Variants in ADAR observed in about 807,000 individuals in gnomAD.
ADAR encodes the protein double-stranded RNA-specific adenosine deaminase.
Under a neutral mutation model 113.2 loss-of-function variants are expected in ADAR, and 41 were observed. That is an observed-to-expected ratio of 0.36 (90% CI 0.28 to 0.47). The LOEUF is 0.47. Among genes scored for constraint, ADAR ranks in the 20% least tolerant of loss-of-function variants. ADAR has a pLI of 1.00. For synonymous variants in ADAR, 605 were observed against 572.6 expected (o/e 1.06, Z -0.81); for missense variants, 1,242 against 1,540.9 (o/e 0.81, Z 3.25).
rs748161184 is a variant in ADAR, at chr1:154,590,279, G to A, written c.2401C>T (p.Arg801Cys). 3.1e-6 allele frequency: 5 copies of A among 1,614,002 alleles called. No homozygotes were observed. Among genetic ancestry groups the A allele is most frequent in the South Asian group, 1.1e-5 (1 of 91,078 alleles). ...GGGGTTACCTCTGTGAAACCCATGC[G>A]TTCTGCCTTCTCGTTCTCCCCAATC... ...VLIGENEKAE[R>C]MGFTEVTPVT... The change falls in exon 7 of 15, where the codon CGC becomes TGC. Residue 801 changes from arginine (R) to cysteine (C), a missense_variant. Coordinates refer to ENST00000368474, the MANE Select transcript of ADAR (RefSeq NM_001111.5).
chr1:154,626,640 C>A (rs951246405), intron 1 of ADAR, among the ~76,000 whole-genome samples: 2 of 152,106 alleles, frequency 1.3e-5, no homozygotes, highest in Non-Finnish European at 2.9e-5. Context: ...GGGTACTGGG[C>A]CCTTACTAAT....
At chr1:154,586,670 T>A (rs539573650) in intron 11 of ADAR, among the ~76,000 whole-genome samples, 9 of 152,280 alleles carry the variant, frequency 5.9e-5, no homozygotes, top group African/African-American at 1.9e-4. Context: ...CTCTGAAGGC[T>A]CTGAGGCAGC....
chr1:154,588,557 T>C lies in ADAR; in HGVS notation c.2879A>G (p.Tyr960Cys). The part of the protein sequence containing the change: ...QIKKTVSFHL[Y>C]ISTAPCGDGA... ...CAACAGGAACTGTACAGACCTGATA[T>C]ACAGATGGAATGACACAGTCTTTTT... The change falls in exon 10 of 15, where the codon TAT becomes TGT. Residue 960 changes from tyrosine (Y) to cysteine (C), a missense_variant. By Grantham distance (194) the Tyr-to-Cys change is radical. Around this residue, in one of 2 missense-constraint regions of ADAR, gnomAD observed 780 missense variants for 1,057.9 expected, o/e 0.74. Coordinates refer to ENST00000368474, the MANE Select transcript of ADAR (RefSeq NM_001111.5). 1 of 1,614,010 alleles carries C rather than the reference T, an allele frequency of 6.2e-7. No homozygotes were observed. Among genetic ancestry groups the C allele is most frequent in the Non-Finnish European group, 8.5e-7 (1 of 1,180,030 alleles).
Position 154,601,673 on chromosome 1 carries a change from G to A in ADAR, c.969C>T (p.Gly323=). Residue 323 remains glycine (G), a synonymous_variant, in exon 2 of 15, where the codon GGC becomes GGT. Coordinates refer to ENST00000368474, the MANE Select transcript of ADAR (RefSeq NM_001111.5). This position sits in a 1 kb window ranked among gnomAD's most constrained non-coding sequence, Gnocchi z 4.7. ...SSALNLAKNI[G]LTKARDINAV... ...CATTTATATCTCGGGCCTTGGTAAG[G>A]CCAATATTTTTAGCCAAATTCAGGG... 6.2e-7 allele frequency: 1 copy of A among 1,614,120 alleles called. No homozygotes were observed. The highest frequency in any genetic ancestry group is 8.5e-7 in the Non-Finnish European group (1 of 1,180,038).
At chr1:154,622,453 C>T (rs910871343) in intron 1 of ADAR, among the ~76,000 whole-genome samples, 1 of 152,188 alleles carries the variant, frequency 6.6e-6, no homozygotes, top group Admixed American at 6.5e-5. Flanking sequence ...GAGTGAGTTG[C>T]TATTTATAAA....
At chr1:154,595,813 C>T (rs577587754) in intron 6 of ADAR, among the ~76,000 whole-genome samples, 65 of 152,356 alleles carry the variant, frequency 4.3e-4, no homozygotes, top group Admixed American at 3.2e-3. Context: ...TCATTCTCCA[C>T]TCACTGGCTG....
chr1:154,584,034 A>G lies in ADAR; in HGVS notation c.*772T>C, dbSNP rs908021087. The G allele has an allele frequency of 2.0e-5, 3 of 152,180 alleles. No homozygotes were observed. Among genetic ancestry groups the G allele is most frequent in the South Asian group, 2.1e-4 (1 of 4,824 alleles). 9.4% of individuals were successfully genotyped at this position (152,180 alleles called of 1,614,324 possible). A position where few individuals can be genotyped will look rare whatever the true frequency, so the allele number is the denominator to read the frequency against. ...TGGTCTGTGTCATCCTGCCGGGTGA[A>G]ACCTCTGCTATTGCTTGAGCAGCTC... On this transcript the variant is annotated 3_prime_UTR_variant, in exon 15 of 15. Coordinates refer to ENST00000368474, the MANE Select transcript of ADAR (RefSeq NM_001111.5).
intron 6 of ADAR, among the ~76,000 whole-genome samples, chr1:154,595,358 A>G (rs890658568): frequency 7.2e-5 from 11 of 152,220 alleles, no homozygotes; most frequent in African/African-American, 2.7e-4. Flanking sequence ...GACGGCCCCC[A>G]TGCATGTTAT....
At chr1:154,612,928 C>G (rs1316681609), upstream of ADAR, among the ~76,000 whole-genome samples, 1 of 152,084 alleles carries the variant, frequency 6.6e-6, no homozygotes, top group African/African-American at 2.4e-5. Flanking sequence ...TCTCCTGTCT[C>G]AGCCTCCCGA....
At chr1:154,598,378 C>T (rs1697642405) in intron 3 of ADAR, 24 bp downstream of exon 3, 2 of 1,612,272 alleles carry the variant, frequency 1.2e-6, no homozygotes, top group South Asian at 1.1e-5. Flanking sequence ...AACTGATCCT[C>T]CCAGATGGCA....
chr1:154,596,705 C>T, intron 6 of ADAR, 100 bp downstream of exon 6: 1 of 1,400,562 alleles, frequency 7.1e-7, no homozygotes, highest in Non-Finnish European at 1.0e-6. Flanking sequence ...CTCAACTCGC[C>T]CCTTCTGTCC....
chr1:154,589,389 G>C lies in ADAR; in HGVS notation c.2742C>G (p.Ile914Met). Residue 914 changes from isoleucine to methionine, a missense_variant, in exon 9 of 15, where the codon ATC becomes ATG. Coordinates refer to ENST00000368474, the MANE Select transcript of ADAR (RefSeq NM_001111.5). ...CTCACCTGATGAAGCCTCTCCGGGA[G>C]ATTATTTCTGCATGGCAGTCATTGA... is the stretch of plus-strand genomic sequence containing the variant. ...ETVNDCHAEIISRRGFIRFLY... is the reference protein window; with the variant it reads ...ETVNDCHAEIMSRRGFIRFLY... The C allele has an allele frequency of 1.9e-6, 3 of 1,614,200 alleles. No homozygotes were observed. The highest frequency in any genetic ancestry group is 2.5e-6 in the Non-Finnish European group (3 of 1,180,004).
rs886518195 is a variant in ADAR at position 154,600,768 on chromosome 1, G to A, written c.1601+273C>T. 1.5e-5 allele frequency: 8 copies of A among 518,778 alleles called. No homozygotes were observed. In the East Asian group the frequency reaches 1.8e-4, roughly 12 times the overall value. The allele number at this position is 518,778 out of a possible 1,614,324, so 32.1% of individuals were successfully genotyped here. On this transcript the variant is annotated intron_variant, in intron 2 of 14. Transcript: ENST00000368474. ...ATTACAGGCATGAGCCACCGCGTAC[G>A]GCCAAAACCAATCATTTCTAAAGAA... is the stretch of plus-strand genomic sequence containing the variant.
At chr1:154,597,445 T>C (rs923156538) in intron 4 of ADAR, among the ~76,000 whole-genome samples, 178 bp from the exon 5 acceptor site, 10 of 152,238 alleles carry the variant, frequency 6.6e-5, no homozygotes, top group African/African-American at 2.4e-4. Context: ...TTAGCCTGGC[T>C]GACCCCTTTC....
At chr1:154,598,654 C>A in intron 2 of ADAR, 69 bp from the exon 3 acceptor site, 6 of 1,547,426 alleles carry the variant, frequency 3.9e-6, no homozygotes. Context: ...CCAAAGAGAC[C>A]TTCAACCTGG....
intron 1 of ADAR, among the ~76,000 whole-genome samples, chr1:154,605,819 G>A (rs1698155959): frequency 6.6e-6 from 1 of 151,994 alleles, no homozygotes; most frequent in Non-Finnish European, 1.5e-5. Context: ...TGGGACTTAG[G>A]GGTTCTCCTA....
chr1:154,584,412 A>C lies in ADAR; in HGVS notation c.*394T>G. On this transcript the variant is annotated 3_prime_UTR_variant, in exon 15 of 15. Coordinates refer to ENST00000368474, the MANE Select transcript of ADAR (RefSeq NM_001111.5). ...AAATTATCAGTCCCTGACATGATCC[A>C]GAGTTGACTGAAACCTAATCAAGAC... The C allele has an allele frequency of 4.7e-6, 1 of 214,308 alleles. No homozygotes were observed. Among genetic ancestry groups the C allele is most frequent in the Non-Finnish European group, 9.4e-6 (1 of 106,092 alleles). The allele number at this position is 214,308 out of a possible 1,614,324, so 13.3% of individuals were successfully genotyped here.
chr1:154,614,855 C>A (rs1698589439), intron 1 of ADAR, among the ~76,000 whole-genome samples: 1 of 152,196 alleles, frequency 6.6e-6, no homozygotes, highest in African/African-American at 2.4e-5. Flanking sequence ...TTTCAGTGAA[C>A]TGGTTTTCTT....
chr1:154,595,644 TTAA>T (rs1457072749), intron 6 of ADAR, among the ~76,000 whole-genome samples: 2 of 151,990 alleles, frequency 1.3e-5, no homozygotes, highest in South Asian at 2.1e-4. Flanking sequence ...AATAAAAAAG[TTAA>T]TAAAGTAAAA....
Sources: gnomAD v4.1 joint callset for allele counts (sites outside exome capture counted in the v4.1 genomes callset) on GRCh38, gnomAD v4.1.1 for gene constraint, gnomAD v4.1.1 regional missense constraint, Gnocchi (gnomAD v3.1) non-coding constraint, MANE v1.5 for transcripts, NCBI Gene and HGNC (gene_info 2026-07-23, HGNC 2026-07-21) for gene names.